The following ZBBX variants were observed in gnomAD, a reference collection of about 807,000 sequenced individuals.
ZBBX encodes zinc finger B-box domain-containing protein 1.
ZBBX carries 101 observed loss-of-function variants against 108.5 expected under a neutral mutation model. That is an observed-to-expected ratio of 0.93 (90% CI 0.79 to 1.10). The LOEUF (loss-of-function observed/expected upper bound fraction) is 1.10. ZBBX is among the 50% of genes least tolerant of loss of function. The pLI is 0.00. For missense variants in ZBBX, 1,009 were observed against 941.4 expected (o/e 1.07, Z -0.94); for synonymous variants, 356 against 323.4 (o/e 1.10, Z -1.08).
At chr3:167,316,180 T>G (rs1735420251) in intron 14 of ZBBX, among the ~76,000 whole-genome samples, 1 of 152,132 alleles carries the variant, frequency 6.6e-6, no homozygotes, top group South Asian at 2.1e-4. Flanking sequence ...ATGAATGGCA[T>G]GCCCACATGT....
rs1010174447 is a variant in ZBBX at position 167,312,694 on chromosome 3, A to G, written c.1417+1280T>C. ...CTTAGAGGCAACAGGAACATCAGGA[A>G]CTAGCTTGATCAAACTATACTCATC... On this transcript the variant is annotated intron_variant, in intron 16 of 21. Coordinates refer to ENST00000675490, the MANE Select transcript of ZBBX (RefSeq NM_001199201.2). Among the ~76,000 whole-genome samples the G allele has an allele frequency of 3.3e-5, 5 of 152,322 alleles. No individual in the cohort carries two copies. The South Asian group carries it at 8.3e-4, about 25-fold the overall frequency.
chr3:167,386,043 C>A (rs1747912721), intron 1 of ZBBX, among the ~76,000 whole-genome samples: 1 of 151,784 alleles, frequency 6.6e-6, no homozygotes, highest in Admixed American at 6.6e-5. Flanking sequence ...CCAAACTGAA[C>A]CAGTCAGATA....
chr3:167,195,206 G>T, the ZBBX span, among the ~76,000 whole-genome samples: 6 of 152,152 alleles, frequency 3.9e-5, no homozygotes, highest in Admixed American at 3.9e-4. Context: ...AGACCTGGCT[G>T]GGATGGAGCA....
At chr3:167,242,926 A>G (rs1720931866) in intron 20 of ZBBX, among the ~76,000 whole-genome samples, 1 of 152,046 alleles carries the variant, frequency 6.6e-6, no homozygotes, top group Admixed American at 6.6e-5. Flanking sequence ...ATTTCAAAAA[A>G]AAAATCAAAT....
At chr3:167,192,945 T>C in the ZBBX span, among the ~76,000 whole-genome samples, 6 of 152,346 alleles carry the variant, frequency 3.9e-5, no homozygotes, top group East Asian at 9.7e-4. Flanking sequence ...ATAATTCACA[T>C]GTCACCATTT....
chr3:167,318,452 T>C (rs1735842747), intron 12 of ZBBX, among the ~76,000 whole-genome samples: 1 of 151,974 alleles, frequency 6.6e-6, no homozygotes, highest in Non-Finnish European at 1.5e-5. Flanking sequence ...CACAAAGTGG[T>C]GTACCGACTT....
chr3:167,307,786 T>C (rs570998325), intron 16 of ZBBX, among the ~76,000 whole-genome samples: 1 of 152,294 alleles, frequency 6.6e-6, no homozygotes, highest in Admixed American at 6.5e-5. Context: ...GCTGGACCCC[T>C]TCCTTATACC....
At chr3:167,228,177 G>C in the ZBBX span, among the ~76,000 whole-genome samples, 1 of 151,908 alleles carries the variant, frequency 6.6e-6, no homozygotes, top group East Asian at 1.9e-4. Flanking sequence ...GATAAAAAGA[G>C]GTTGTAGAGT....
the ZBBX span, among the ~76,000 whole-genome samples, chr3:167,224,623 G>A: frequency 7.9e-5 from 12 of 151,824 alleles, no homozygotes; most frequent in East Asian, 1.9e-4. Context: ...ACATGCCATC[G>A]TTAATAGCAA....
chr3:167,238,493 TTTCTA>T (rs1430636780), downstream of ZBBX, among the ~76,000 whole-genome samples: 1 of 152,060 alleles, frequency 6.6e-6, no homozygotes, highest in African/African-American at 2.4e-5. Flanking sequence ...TCTTCATAAT[TTTCTA>T]TTCTGTCAGT....
chr3:167,368,556 T>A lies in ZBBX; in HGVS notation c.87A>T (p.Arg29=). The part of the protein sequence containing the change: ...KLKYRNAQEL[R]MEKVQLEFEN... ...CAAACTCTAACTGTACTTTCTCCAT[T>A]CGCAGTTCTTGAGCATTTCTGAAGA... Residue 29 remains arginine, a synonymous_variant, in exon 5 of 22, where the codon CGA becomes CGT. Coordinates refer to ENST00000675490, the MANE Select transcript of ZBBX (RefSeq NM_001199201.2). 6.2e-7 allele frequency: 1 copy of A among 1,609,486 alleles called. No individual in the cohort carries two copies. The highest frequency in any genetic ancestry group is 8.5e-7 in the Non-Finnish European group (1 of 1,177,618).
At position 167,305,860 on chromosome 3, in the gene ZBBX, T is replaced by C; in HGVS notation, c.1508A>G (p.Glu503Gly). The C allele has an allele frequency of 6.2e-7, 1 of 1,610,500 alleles. No homozygotes were observed. The highest frequency in any genetic ancestry group is 1.1e-5 in the South Asian group (1 of 90,200). Residue 503 changes from glutamate to glycine, a missense_variant, in exon 17 of 22, where the codon GAA becomes GGA. Physicochemically the swap from Glu to Gly is moderately conservative, Grantham distance 98 (BLOSUM62 -2). Transcript: ENST00000675490. The stretch of plus-strand genomic sequence containing the variant: ...TATATTTTTCTCCTTTAAATTTCTT[T>C]CAAAGGAGGTGCTTTCCTCAATTTT... Reference protein sequence around the residue: ...IEKIEESTSFERNLKEKNIGL... With the variant: ...IEKIEESTSFGRNLKEKNIGL...
At chr3:167,234,381 T>A in the ZBBX span, among the ~76,000 whole-genome samples, 1 of 151,880 alleles carries the variant, frequency 6.6e-6, no homozygotes, top group African/African-American at 2.4e-5. Flanking sequence ...CAGATTGGAT[T>A]TGGGCCTTAG....
the ZBBX span, among the ~76,000 whole-genome samples, chr3:167,203,781 A>C: frequency 6.6e-6 from 1 of 152,004 alleles, no homozygotes; most frequent in Non-Finnish European, 1.5e-5. Context: ...TTCTTTAATA[A>C]AAATCTTAGA....
intron 8 of ZBBX, among the ~76,000 whole-genome samples, chr3:167,355,365 C>T (rs770441849): frequency 9.2e-5 from 14 of 151,718 alleles, no homozygotes; most frequent in African/African-American, 1.2e-4. Context: ...TACTGTTATC[C>T]GTAGTAACCT....
At chr3:167,276,543 A>G (rs1727619281) in intron 20 of ZBBX, among the ~76,000 whole-genome samples, 1 of 152,154 alleles carries the variant, frequency 6.6e-6, no homozygotes, top group South Asian at 2.1e-4. Context: ...AAGTTTAGAG[A>G]AAAAAGAATA....
intron 18 of ZBBX, among the ~76,000 whole-genome samples, chr3:167,295,130 G>A (rs1235633463): frequency 6.6e-6 from 1 of 152,152 alleles, no homozygotes; most frequent in African/African-American, 2.4e-5. Context: ...GGAAAACAGT[G>A]TGGTAATTCC....
chr3:167,252,236 G>T, intron 20 of ZBBX: 1 of 1,246,710 alleles, frequency 8.0e-7, no homozygotes, highest in Non-Finnish European at 1.1e-6. Flanking sequence ...AAACAAGTCA[G>T]AGAGGTTGCT....
chr3:167,382,496 G>C (rs921258070), upstream of ZBBX, among the ~76,000 whole-genome samples: 1 of 152,048 alleles, frequency 6.6e-6, no homozygotes, highest in African/African-American at 2.4e-5. Context: ...TGGAGACAAG[G>C]TTTGAATACA....
Sources: allele counts gnomAD v4.1 joint callset (sites outside exome capture counted in the v4.1 genomes callset), GRCh38; gene constraint gnomAD v4.1.1; transcripts MANE v1.5; gene names NCBI Gene and HGNC (gene_info 2026-07-23, HGNC 2026-07-21).